The following PTBP2 variants were observed in gnomAD, a reference collection of about 807,000 sequenced individuals.
The protein encoded by PTBP2 is polypyrimidine tract-binding protein 2.
In PTBP2, 13 loss-of-function variants were observed where a neutral mutation model predicts 61.4. That is an observed-to-expected ratio of 0.21 (90% CI 0.14 to 0.34). PTBP2 has a LOEUF of 0.34. Among genes scored for constraint, PTBP2 ranks in the 10% least tolerant of loss-of-function variants. PTBP2 has a pLI of 1.00. For synonymous variants in PTBP2, 215 were observed against 218.5 expected (o/e 0.98, Z 0.14); for missense variants, 405 against 642.6 (o/e 0.63, Z 4.00).
chr1:96,805,145 A>G (rs1459011050), intron 9 of PTBP2, among the ~76,000 whole-genome samples: 2 of 151,984 alleles, frequency 1.3e-5, no homozygotes, highest in African/African-American at 2.4e-5. Context: ...CTTTATATCT[A>G]TATCTATATA....
chr1:96,795,758 A>C (rs1439057861), intron 8 of PTBP2, among the ~76,000 whole-genome samples: 1 of 152,162 alleles, frequency 6.6e-6, no homozygotes, highest in African/African-American at 2.4e-5. Context: ...CATAGAAAGG[A>C]AGAAGAAATA....
intron 2 of PTBP2, among the ~76,000 whole-genome samples, chr1:96,741,577 A>G (rs1653034459): frequency 6.6e-6 from 1 of 151,680 alleles, no homozygotes; most frequent in African/African-American, 2.4e-5. Context: ...TGTTAGTTAC[A>G]TGTCCTACAG....
chr1:96,755,585 C>T (rs184094278), intron 3 of PTBP2, among the ~76,000 whole-genome samples: 2 of 152,322 alleles, frequency 1.3e-5, no homozygotes, highest in Admixed American at 1.3e-4. Flanking sequence ...CATTCATCAA[C>T]AGATGAACTA....
chr1:96,728,394 G>T (rs763912233), intron 2 of PTBP2, among the ~76,000 whole-genome samples: 1 of 152,152 alleles, frequency 6.6e-6, no homozygotes, highest in African/African-American at 2.4e-5. Context: ...GAAGTATTTG[G>T]TTTTGCATGG....
intron 3 of PTBP2, among the ~76,000 whole-genome samples, chr1:96,757,647 T>G (rs1463611369): frequency 6.6e-6 from 1 of 152,162 alleles, no homozygotes; most frequent in Non-Finnish European, 1.5e-5. Flanking sequence ...ACTTCAAGTG[T>G]ACATAGAACA....
chr1:96,807,197 GTAA>G (rs1256478555), intron 11 of PTBP2, among the ~76,000 whole-genome samples: 1 of 152,168 alleles, frequency 6.6e-6, no homozygotes, highest in Non-Finnish European at 1.5e-5. Flanking sequence ...CTTCAAAATT[GTAA>G]TAATAGTTTC....
At chr1:96,749,804 G>C (rs577085666) in intron 2 of PTBP2, 16 of 350,636 alleles carry the variant, frequency 4.6e-5, no homozygotes, top group Non-Finnish European at 7.7e-5. Context: ...ATCACTGTTC[G>C]TGTATAATTT....
chr1:96,766,103 A>G (rs570899489), intron 3 of PTBP2, among the ~76,000 whole-genome samples: 2 of 152,266 alleles, frequency 1.3e-5, no homozygotes, highest in South Asian at 4.1e-4. Context: ...TACTGATCAG[A>G]GGTGAAGATG....
At position 96,814,925 on chromosome 1, in the gene PTBP2, C is replaced by T. The variant is rs929462665; in HGVS notation, c.*1520C>T. 6.6e-6 allele frequency: 1 copy of T among 152,564 alleles called. No homozygotes were observed. The highest frequency in any genetic ancestry group is 3.2e-3 in the Middle Eastern group (1 of 316). The allele number at this position is 152,564 out of a possible 1,614,324, so 9.5% of individuals were successfully genotyped here. A position where few individuals can be genotyped will look rare whatever the true frequency, so the allele number is the denominator to read the frequency against. ...TTCTCTGCTGCCTTTTCTCTCTCCT[C>T]TTCTTTGTTTTCACTCCACTGTGCT... On this transcript the variant is annotated 3_prime_UTR_variant, in exon 14 of 14. Transcript: ENST00000674951.
chr1:96,725,424 C>T (rs938634170), intron 2 of PTBP2, among the ~76,000 whole-genome samples: 7 of 151,806 alleles, frequency 4.6e-5, no homozygotes, highest in African/African-American at 1.7e-4. Context: ...CTCAGCCTCC[C>T]GAGTAGCTGG....
At position 96,759,851 on chromosome 1, in the gene PTBP2, A is replaced by T. The variant is rs895530932; in HGVS notation, c.115+8351A>T. 1.1e-4 allele frequency among the ~76,000 whole-genome samples: 17 copies of T among 152,326 alleles called. 1 individual carries two copies. Among genetic ancestry groups the T allele is most frequent in the East Asian group, 9.6e-4 (5 of 5,186 alleles). ...CCGAGACTGGGCGGGCAATTTATGA[A>T]AGAAACCAGTTTAATGAATTTACAA... On this transcript the variant is annotated intron_variant, in intron 3 of 13. Coordinates refer to ENST00000674951, the MANE Select transcript of PTBP2 (RefSeq NM_021190.4).
At chr1:96,763,067 C>T (rs892207654) in intron 3 of PTBP2, among the ~76,000 whole-genome samples, 17 of 151,514 alleles carry the variant, frequency 1.1e-4, no homozygotes, top group Admixed American at 5.9e-4. Context: ...GGATGGCGGC[C>T]GGGCAGAGAC....
At chr1:96,724,343 TG>T (rs1232733696) in intron 2 of PTBP2, among the ~76,000 whole-genome samples, 1 of 152,052 alleles carries the variant, frequency 6.6e-6, no homozygotes, top group Non-Finnish European at 1.5e-5. Context: ...CTCTGCCTCC[TG>T]GGTTCAAGCA....
chr1:96,741,414 C>T (rs1188235889), intron 2 of PTBP2, among the ~76,000 whole-genome samples: 1 of 152,076 alleles, frequency 6.6e-6, no homozygotes, highest in African/African-American at 2.4e-5. Flanking sequence ...GAATACACCA[C>T]TATGCCCAGC....
chr1:96,807,843 G>A (rs751344522), intron 11 of PTBP2, among the ~76,000 whole-genome samples: 1 of 152,126 alleles, frequency 6.6e-6, no homozygotes, highest in Non-Finnish European at 1.5e-5. Context: ...TATCCATCTG[G>A]CTGTCCATTT....
chr1:96,808,010 T>A (rs1661666122), intron 11 of PTBP2, among the ~76,000 whole-genome samples: 1 of 152,204 alleles, frequency 6.6e-6, no homozygotes, highest in Admixed American at 6.5e-5. Context: ...CACTTAACAG[T>A]ACTTCATAAT....
intron 8 of PTBP2, among the ~76,000 whole-genome samples, chr1:96,803,394 T>TA (rs1222633516): frequency 2.2e-5 from 3 of 135,900 alleles, no homozygotes; most frequent in Admixed American, 7.3e-5. Flanking sequence ...TGTATAGCCA[T>TA]AAAAAAAAGG....
intron 2 of PTBP2, among the ~76,000 whole-genome samples, chr1:96,734,230 A>G (rs1482314060): frequency 6.6e-6 from 1 of 152,174 alleles, no homozygotes; most frequent in Non-Finnish European, 1.5e-5. Context: ...AAATGATGAT[A>G]TCCACACTCT....
intron 3 of PTBP2, among the ~76,000 whole-genome samples, chr1:96,758,465 AT>A (rs748505862): frequency 3.9e-5 from 6 of 152,088 alleles, no homozygotes; most frequent in Non-Finnish European, 8.8e-5. Context: ...TCAGACTAGT[AT>A]TTCTCATTAA....
Sources: allele counts gnomAD v4.1 joint callset (sites outside exome capture counted in the v4.1 genomes callset), GRCh38; gene constraint gnomAD v4.1.1; transcripts MANE v1.5; gene names NCBI Gene and HGNC (gene_info 2026-07-23, HGNC 2026-07-21).